The following TSPAN9 variants were observed in gnomAD, a reference collection of about 807,000 sequenced individuals.
TSPAN9 encodes the protein tetraspanin-9.
In TSPAN9, 16 loss-of-function variants were observed where a neutral mutation model predicts 31.0. The ratio of observed to expected loss-of-function variants is 0.52; its 90% CI spans 0.35 to 0.78. The LOEUF (loss-of-function observed/expected upper bound fraction) is 0.78. Ranked by LOEUF, TSPAN9 falls within the 30% of genes least tolerant of loss-of-function variation. The pLI, the probability that TSPAN9 is intolerant of heterozygous loss-of-function variation, is 0.01. For missense variants in TSPAN9, 272 were observed against 312.5 expected, an observed-to-expected ratio of 0.87 and a Z score of 0.98; for synonymous variants, 145 against 121.6, an observed-to-expected ratio of 1.19 and a Z score of -1.27.
intron 7 of TSPAN9, 66 bp downstream of exon 7, chr12:3,281,395 C>T: frequency 2.0e-6 from 3 of 1,487,380 alleles, no homozygotes; most frequent in Non-Finnish European, 2.7e-6. Flanking sequence ...ACGGGGAGCC[C>T]TATAGGGGAG....
intron 2 of TSPAN9, among the ~76,000 whole-genome samples, chr12:3,133,582 T>C (rs2098330778): frequency 6.6e-6 from 1 of 151,952 alleles, no homozygotes; most frequent in African/African-American, 2.4e-5. Context: ...TAAGGGCAGC[T>C]CCAAAACAGA....
intron 2 of TSPAN9, among the ~76,000 whole-genome samples, chr12:3,085,438 T>C (rs770633504): frequency 6.6e-6 from 1 of 151,710 alleles, no homozygotes; most frequent in Non-Finnish European, 1.5e-5. Context: ...TGCATCTGCG[T>C]TGAAACCCAA....
chr12:3,278,582 C>A lies in TSPAN9; in HGVS notation c.225C>A (p.Ala75=). 1 of 1,614,144 alleles carries A rather than the reference C, an allele frequency of 6.2e-7. No homozygotes were observed. The highest frequency in any genetic ancestry group is 8.5e-7 in the Non-Finnish European group (1 of 1,180,016). Residue 75 remains alanine, a synonymous_variant, in exon 4 of 9, where the codon GCC becomes GCA. Transcript: ENST00000011898. The part of the protein sequence containing the change: ...MVTGFLGCLG[A]IKENKCLLLS... ...CGGGCTTCCTCGGCTGCCTGGGGGC[C>A]ATCAAGGAAAACAAGTGCCTCCTCC...
At chr12:3,130,027 G>A (rs909443268) in intron 2 of TSPAN9, among the ~76,000 whole-genome samples, 1 of 152,242 alleles carries the variant, frequency 6.6e-6, no homozygotes, top group Non-Finnish European at 1.5e-5. Flanking sequence ...GATCACCGAT[G>A]TGTGGGACAA....
At chr12:3,096,531 T>TTGAATGAATGAA (rs34418176) in intron 2 of TSPAN9, among the ~76,000 whole-genome samples, 15 of 151,684 alleles carry the variant, frequency 9.9e-5, no homozygotes, top group African/African-American at 3.6e-4. Flanking sequence ...GAAATATTTT[T>TTGAATGAATGAA]TGAATGAATG....
chr12:3,172,506 C>G lies in TSPAN9; in HGVS notation c.-17-28671C>G, dbSNP rs1394843789. 1.3e-5 allele frequency: 2 copies of G among 152,208 alleles called. No individual in the cohort carries two copies. The highest frequency in any genetic ancestry group is 2.9e-5 in the Non-Finnish European group (2 of 68,050). The allele number at this position is 152,208 out of a possible 1,614,324, so 9.4% of individuals were successfully genotyped here. On this transcript the variant is annotated intron_variant, in intron 2 of 8. Transcript: ENST00000011898. The surrounding 1 kb of genome is among the most constrained non-coding windows in gnomAD (Gnocchi z 4.8). The stretch of plus-strand genomic sequence containing the variant: ...GTGTCACTCACCGGGGGAACTTAAA[C>G]GCCGCTTGCTGAGTCCCACCCTAGC...
chr12:3,160,643 T>A (rs1291941728), intron 2 of TSPAN9, among the ~76,000 whole-genome samples: 1 of 152,250 alleles, frequency 6.6e-6, no homozygotes, highest in Non-Finnish European at 1.5e-5. Flanking sequence ...TTTGGAGCCA[T>A]CCTAGTGAGT....
At chr12:3,121,936 C>T (rs2098325322) in intron 2 of TSPAN9, among the ~76,000 whole-genome samples, 1 of 152,194 alleles carries the variant, frequency 6.6e-6, no homozygotes, top group Non-Finnish European at 1.5e-5. Context: ...CACACAGCTA[C>T]TGTTAGGGAC....
At chr12:3,177,715 G>T (rs1248885238) in intron 2 of TSPAN9, among the ~76,000 whole-genome samples, 2 of 152,376 alleles carry the variant, frequency 1.3e-5, no homozygotes, top group African/African-American at 4.8e-5. Context: ...TTACAGGTGT[G>T]AGCAACCGCA....
intron 3 of TSPAN9, among the ~76,000 whole-genome samples, chr12:3,268,884 G>C (rs1173065679): frequency 1.9e-5 from 2 of 107,496 alleles, no homozygotes; most frequent in Non-Finnish European, 1.9e-5. Context: ...GTGCGTTCCT[G>C]CAGCCTGCCC....
intron 2 of TSPAN9, among the ~76,000 whole-genome samples, chr12:3,098,094 G>A (rs1162224989): frequency 6.6e-6 from 1 of 152,228 alleles, no homozygotes; most frequent in African/African-American, 2.4e-5. Flanking sequence ...CAGGCAGAGC[G>A]GGTCAGTGGG....
Position 3,133,883 on chromosome 12 carries a change from C to T in TSPAN9, c.-18+50164C>T, listed in dbSNP as rs1345826014. ...CACGGGGTAATGGCCAGACAGCCAC[C>T]CAGGCGCAGTTTCTAGCTTGACACT... On this transcript the variant is annotated intron_variant, in intron 2 of 8. Transcript: ENST00000011898. 2.0e-5 allele frequency among the ~76,000 whole-genome samples: 3 copies of T among 152,152 alleles called. No individual in the cohort carries two copies. In the East Asian group the frequency reaches 5.8e-4, roughly 29 times the overall value.
intron 3 of TSPAN9, among the ~76,000 whole-genome samples, chr12:3,277,399 C>T (rs909841666): frequency 6.6e-6 from 1 of 152,248 alleles, no homozygotes; most frequent in Non-Finnish European, 1.5e-5. Context: ...TGACTGGGCA[C>T]CAGTCCATCC....
chr12:3,121,039 CCTGT>C (rs35313447), intron 2 of TSPAN9, among the ~76,000 whole-genome samples: 20,449 of 152,180 alleles, frequency 0.13, 1,709 homozygotes, highest in Middle Eastern at 0.22. Flanking sequence ...AGTCACAGGA[CCTGT>C]CTGAGTTTCA....
Position 3,278,468 on chromosome 12 carries a change from C to T in TSPAN9, c.111C>T (p.Ser37=). 1.9e-6 allele frequency: 3 copies of T among 1,614,214 alleles called. No homozygotes were observed. The highest frequency in any genetic ancestry group is 2.5e-6 in the Non-Finnish European group (3 of 1,180,036). Residue 37 remains serine, a synonymous_variant, in exon 4 of 9, where the codon TCC becomes TCT. Transcript: ENST00000011898. The part of the protein sequence containing the change: ...LLGVGIWLSV[S]QGNFATFSPS... ...GAGTGGGCATCTGGCTCTCCGTGTC[C>T]CAAGGCAACTTTGCCACCTTCTCCC...
At chr12:3,117,542 A>T (rs2098322999) in intron 2 of TSPAN9, among the ~76,000 whole-genome samples, 1 of 151,938 alleles carries the variant, frequency 6.6e-6, no homozygotes, top group Admixed American at 6.6e-5. Context: ...ATCATTTTGT[A>T]AAGAGGGGCA....
At chr12:3,282,212 G>A (rs1862908751) in intron 8 of TSPAN9, 10 of 579,476 alleles carry the variant, frequency 1.7e-5, no homozygotes, top group East Asian at 2.8e-5. Flanking sequence ...ACCACACCGG[G>A]CTTCCTTCTG....
intron 3 of TSPAN9, among the ~76,000 whole-genome samples, chr12:3,277,519 G>A (rs1434976803): frequency 6.6e-6 from 1 of 152,226 alleles, no homozygotes; most frequent in African/African-American, 2.4e-5. Context: ...ATGGCACACT[G>A]CATGCTGTAG....
At chr12:3,184,625 C>T (rs1037214520) in intron 2 of TSPAN9, among the ~76,000 whole-genome samples, 5 of 152,168 alleles carry the variant, frequency 3.3e-5, no homozygotes, top group African/African-American at 1.2e-4. Context: ...CTTCCTCTTT[C>T]CCTGGTGCTG....
Sources: gnomAD v4.1 joint callset for allele counts (sites outside exome capture counted in the v4.1 genomes callset) on GRCh38, gnomAD v4.1.1 for gene constraint, Gnocchi (gnomAD v3.1) non-coding constraint, MANE v1.5 for transcripts, NCBI Gene and HGNC (gene_info 2026-07-23, HGNC 2026-07-21) for gene names.